RPS6KC1: variants seen among roughly 807,000 people sequenced by gnomAD.
The protein encoded by RPS6KC1 is ribosomal protein S6 kinase C1.
A neutral mutation model predicts 103.8 loss-of-function variants in RPS6KC1; 54 were observed. The ratio of observed to expected loss-of-function variants is 0.52; its 90% CI spans 0.42 to 0.65. The LOEUF is 0.65. Among genes scored for constraint, RPS6KC1 ranks in the 30% least tolerant of loss-of-function variants. The probability of loss-of-function intolerance (pLI) is 0.00; values close to 1 mark genes in which losing one functional copy is unlikely to be tolerated. For synonymous variants in RPS6KC1, 439 were observed against 438.7 expected (o/e 1.00, Z -0.01); for missense variants, 1,151 against 1,253.8 (o/e 0.92, Z 1.24).
At chr1:213,336,586 T>C in the RPS6KC1 span, among the ~76,000 whole-genome samples, 1 of 152,216 alleles carries the variant, frequency 6.6e-6, no homozygotes, top group Non-Finnish European at 1.5e-5. Context: ...TTTGGCTCTT[T>C]ATATATTCAT....
the RPS6KC1 span, among the ~76,000 whole-genome samples, chr1:213,323,525 A>G: frequency 3.3e-5 from 5 of 152,118 alleles, no homozygotes; most frequent in South Asian, 1.0e-3. Context: ...TGATCATTTC[A>G]ACTGATTTAG....
the RPS6KC1 span, among the ~76,000 whole-genome samples, chr1:213,648,738 A>G: frequency 6.6e-6 from 1 of 151,846 alleles, no homozygotes; most frequent in Non-Finnish European, 1.5e-5. Flanking sequence ...AGGGGGCTTC[A>G]CTTCTCTTGC....
At chr1:213,439,455 G>A in the RPS6KC1 span, among the ~76,000 whole-genome samples, 6 of 152,312 alleles carry the variant, frequency 3.9e-5, no homozygotes, top group African/African-American at 1.4e-4. Context: ...ATTGGTGTGA[G>A]CACTGACTCC....
At chr1:213,068,395 A>ATTC (rs1015413350) in intron 1 of RPS6KC1, among the ~76,000 whole-genome samples, 2 of 150,238 alleles carry the variant, frequency 1.3e-5, no homozygotes, top group Non-Finnish European at 3.0e-5. Flanking sequence ...GAGGCAGGAG[A>ATTC]ATCACTTGAA....
the RPS6KC1 span, among the ~76,000 whole-genome samples, chr1:213,805,133 C>T: frequency 3.3e-5 from 5 of 152,326 alleles, no homozygotes; most frequent in African/African-American, 4.8e-5. Flanking sequence ...CGAATTGGCA[C>T]CTTTTTGCTG....
At chr1:213,625,812 C>T in the RPS6KC1 span, among the ~76,000 whole-genome samples, 1 of 152,184 alleles carries the variant, frequency 6.6e-6, no homozygotes, top group South Asian at 2.1e-4. Context: ...GCCACATTTT[C>T]TTAATCCAGT....
At chr1:213,504,917 T>C in the RPS6KC1 span, among the ~76,000 whole-genome samples, 103,255 of 151,922 alleles carry the variant, frequency 0.68, 35,476 homozygotes, top group East Asian at 0.98. Context: ...ATATGATGCA[T>C]AGCATCCATC....
the RPS6KC1 span, among the ~76,000 whole-genome samples, chr1:213,506,629 T>C: frequency 6.6e-6 from 1 of 152,238 alleles, no homozygotes; most frequent in Non-Finnish European, 1.5e-5. Context: ...TCTCTGTTTT[T>C]ACTCAACCCA....
chr1:213,774,307 C>T, the RPS6KC1 span, among the ~76,000 whole-genome samples: 1 of 152,142 alleles, frequency 6.6e-6, no homozygotes, highest in Non-Finnish European at 1.5e-5. Context: ...TAAGTCAGCT[C>T]CCAGTCCTCG....
chr1:213,646,708 G>A, the RPS6KC1 span, among the ~76,000 whole-genome samples: 1 of 151,874 alleles, frequency 6.6e-6, no homozygotes, highest in Admixed American at 6.6e-5. Context: ...GGAGGAAACG[G>A]AACACCCCCT....
At chr1:213,337,005 A>G in the RPS6KC1 span, among the ~76,000 whole-genome samples, 2 of 152,288 alleles carry the variant, frequency 1.3e-5, no homozygotes, top group East Asian at 3.9e-4. Context: ...TGAAGGCATT[A>G]TGATTTATTT....
the RPS6KC1 span, among the ~76,000 whole-genome samples, chr1:213,833,147 A>T: frequency 2.0e-5 from 3 of 152,220 alleles, no homozygotes; most frequent in African/African-American, 7.2e-5. Flanking sequence ...AGATTCACAG[A>T]ACCCCAGAAT....
At chr1:213,352,056 A>G in the RPS6KC1 span, among the ~76,000 whole-genome samples, 1 of 151,974 alleles carries the variant, frequency 6.6e-6, no homozygotes, top group South Asian at 2.1e-4. Flanking sequence ...GAAAAGGGCT[A>G]TGGAGGAAAG....
At chr1:213,206,109 A>G (rs1298882281) in intron 8 of RPS6KC1, among the ~76,000 whole-genome samples, 1 of 152,198 alleles carries the variant, frequency 6.6e-6, no homozygotes, top group African/African-American at 2.4e-5. Context: ...TATTCCAAAG[A>G]GCTCAAATTC....
At chr1:213,791,895 G>A in the RPS6KC1 span, among the ~76,000 whole-genome samples, 1 of 152,138 alleles carries the variant, frequency 6.6e-6, no homozygotes, top group African/African-American at 2.4e-5. Flanking sequence ...CAACCCTGAC[G>A]TTAATACCTC....
At chr1:213,423,821 T>C in the RPS6KC1 span, among the ~76,000 whole-genome samples, 11 of 152,052 alleles carry the variant, frequency 7.2e-5, no homozygotes, top group Non-Finnish European at 1.6e-4. Flanking sequence ...GGAGGGGGCA[T>C]GGGCTCGGTG....
chr1:213,495,321 G>A, the RPS6KC1 span, among the ~76,000 whole-genome samples: 1 of 151,628 alleles, frequency 6.6e-6, no homozygotes. Context: ...CCCCCACCCC[G>A]CTTTTTTTTT....
At chr1:213,138,362 C>G (rs1042369303) in intron 6 of RPS6KC1, among the ~76,000 whole-genome samples, 2 of 151,714 alleles carry the variant, frequency 1.3e-5, no homozygotes, top group African/African-American at 2.4e-5. Context: ...TTTTTCTTCA[C>G]AACTTTCATT....
At chr1:213,697,280 C>T in the RPS6KC1 span, among the ~76,000 whole-genome samples, 1 of 152,076 alleles carries the variant, frequency 6.6e-6, no homozygotes, top group Non-Finnish European at 1.5e-5. Flanking sequence ...AGGTGGAAGG[C>T]AAGTGAGGAA....
Sources: gnomAD v4.1 joint callset for allele counts (sites outside exome capture counted in the v4.1 genomes callset) on GRCh38, gnomAD v4.1.1 for gene constraint, MANE v1.5 for transcripts, NCBI Gene and HGNC (gene_info 2026-07-23, HGNC 2026-07-21) for gene names.